Variants in MKLN1 observed in about 807,000 individuals in gnomAD.
The protein encoded by MKLN1 is muskelin.
In MKLN1, 18 loss-of-function variants were observed where a neutral mutation model predicts 99.0. The ratio of observed to expected loss-of-function variants is 0.18; its 90% confidence interval spans 0.13 to 0.27. The LOEUF is 0.27. Among genes scored for constraint, MKLN1 ranks in the 10% least tolerant of loss-of-function variants. The pLI, the probability that MKLN1 is intolerant of heterozygous loss-of-function variation, is 1.00. For synonymous variants in MKLN1, 288 were observed against 293.2 expected (o/e 0.98, Z 0.18); for missense variants, 621 against 875.9 (o/e 0.71, Z 3.67).
chr7:131,141,193 C>G (rs568360504), intron 1 of MKLN1, among the ~76,000 whole-genome samples: 3 of 152,192 alleles, frequency 2.0e-5, no homozygotes, highest in South Asian at 2.1e-4. Flanking sequence ...CTCTTGTTGT[C>G]TGTCATGTAT....
At chr7:131,410,124 T>C (rs747272520) in intron 6 of MKLN1, among the ~76,000 whole-genome samples, 9 of 152,088 alleles carry the variant, frequency 5.9e-5, no homozygotes, top group African/African-American at 9.7e-5. Context: ...TTCATAATTA[T>C]TTAGGTGTGT....
At chr7:131,416,636 A>G (rs1472959192) in intron 8 of MKLN1, among the ~76,000 whole-genome samples, 1 of 150,946 alleles carries the variant, frequency 6.6e-6, no homozygotes, top group Non-Finnish European at 1.5e-5. Flanking sequence ...TAGGGGTAGG[A>G]TTTCAGCAAA....
chr7:131,259,833 T>C (rs1231192049), intron 3 of MKLN1, among the ~76,000 whole-genome samples: 1 of 152,126 alleles, frequency 6.6e-6, no homozygotes, highest in Non-Finnish European at 1.5e-5. Flanking sequence ...TAAGAATAAC[T>C]CCTGGAAGTC....
At chr7:131,309,726 T>TTTTTTTC (rs1798529316) in intron 3 of MKLN1, 1 of 139,124 alleles carries the variant, frequency 7.2e-6, no homozygotes. Context: ...AGTGGATTTT[T>TTTTTTTC]TTTTTTTTTT....
chr7:131,153,860 A>G (rs994271266), intron 2 of MKLN1, among the ~76,000 whole-genome samples: 9 of 151,910 alleles, frequency 5.9e-5, no homozygotes, highest in Non-Finnish European at 1.2e-4. Context: ...ATGGGGTTTC[A>G]CCAGGCTGGC....
chr7:131,308,713 G>A (rs1798508248), intron 3 of MKLN1, among the ~76,000 whole-genome samples: 1 of 151,964 alleles, frequency 6.6e-6, no homozygotes, highest in South Asian at 2.1e-4. Flanking sequence ...AGCCTCCTGA[G>A]TAGCTGGGAT....
At chr7:131,421,173 G>T (rs981137957) in intron 8 of MKLN1, among the ~76,000 whole-genome samples, 1 of 152,164 alleles carries the variant, frequency 6.6e-6, no homozygotes. Context: ...TTGGGCTCAA[G>T]TGCACAATCT....
chr7:131,128,896 ATTTTTT>A (rs59954758), intron 1 of MKLN1, among the ~76,000 whole-genome samples: 56,837 of 120,128 alleles, frequency 0.47, 13,292 homozygotes, highest in Non-Finnish European at 0.57. Flanking sequence ...CACCTCACCT[ATTTTTT>A]TTTTTTTTTT....
chr7:131,306,520 A>G lies in MKLN1; in HGVS notation c.-178-68904A>G, dbSNP rs186483886. On this transcript the variant is annotated intron_variant, in intron 3 of 7. Transcript: ENST00000416992. ...TAAGGAACTCACTGGGAACTGGAGCAAAAGTCACTCTTGCTATGCTTTAGC... is the reference window on the plus strand; with the variant it reads ...TAAGGAACTCACTGGGAACTGGAGCGAAAGTCACTCTTGCTATGCTTTAGC... Among the ~76,000 whole-genome samples the G allele has an allele frequency of 1.3e-3, 193 of 152,342 alleles. 1 individual carries two copies. Among genetic ancestry groups the G allele is most frequent in the Non-Finnish European group, 2.2e-3 (150 of 68,028 alleles).
chr7:131,443,969 C>T (rs1349738703), intron 11 of MKLN1, among the ~76,000 whole-genome samples: 1 of 152,152 alleles, frequency 6.6e-6, no homozygotes, highest in Non-Finnish European at 1.5e-5. Flanking sequence ...ATGTTCCTTT[C>T]TTATGCCTTT....
At chr7:131,358,831 C>T (rs1490935448) in intron 1 of MKLN1, among the ~76,000 whole-genome samples, 1 of 152,002 alleles carries the variant, frequency 6.6e-6, no homozygotes, top group Non-Finnish European at 1.5e-5. Flanking sequence ...ATTTTATTAT[C>T]TGTTTAATAT....
chr7:131,202,446 T>C (rs1028549878), intron 2 of MKLN1, among the ~76,000 whole-genome samples: 2 of 151,972 alleles, frequency 1.3e-5, no homozygotes, highest in African/African-American at 4.8e-5. Flanking sequence ...TGTTGTTATA[T>C]AGATTAGAGG....
At chr7:131,466,891 A>T (rs1013478558) in intron 15 of MKLN1, among the ~76,000 whole-genome samples, 48 of 150,574 alleles carry the variant, frequency 3.2e-4, no homozygotes, top group African/African-American at 1.2e-3. Context: ...AAACATTTTC[A>T]TATATATACA....
chr7:131,164,891 T>A (rs2116321230), intron 2 of MKLN1, among the ~76,000 whole-genome samples: 1 of 152,322 alleles, frequency 6.6e-6, no homozygotes, highest in Middle Eastern at 3.4e-3. Context: ...GGAAACCTAC[T>A]ATGTTCAAGG....
At chr7:131,463,149 A>T (rs1796565192) in intron 12 of MKLN1, 68 bp from the exon 13 acceptor site, 1 of 1,308,082 alleles carries the variant, frequency 7.6e-7, no homozygotes. Context: ...AAAGAAAGGA[A>T]GGAAGGAAGG....
intron 1 of MKLN1, among the ~76,000 whole-genome samples, chr7:131,349,293 T>A (rs905241654): frequency 6.6e-6 from 1 of 152,064 alleles, no homozygotes; most frequent in African/African-American, 2.4e-5. Context: ...CCTCCCAGGT[T>A]CAAGCAGTCC....
chr7:131,307,502 G>C (rs781508308), intron 3 of MKLN1, among the ~76,000 whole-genome samples: 7 of 152,144 alleles, frequency 4.6e-5, no homozygotes, highest in Non-Finnish European at 1.0e-4. Flanking sequence ...CAGCTGCAGG[G>C]GCTGTACCCC....
chr7:131,311,563 CT>C (rs1798564329), intron 3 of MKLN1, among the ~76,000 whole-genome samples: 1 of 152,168 alleles, frequency 6.6e-6, no homozygotes, highest in South Asian at 2.1e-4. Flanking sequence ...CTCTCTTGGA[CT>C]TCCAGAGGTT....
At chr7:131,466,246 T>A (rs766037401) in intron 14 of MKLN1, 30 bp from the exon 15 acceptor site, 14 of 1,530,884 alleles carry the variant, frequency 9.1e-6, no homozygotes, top group African/African-American at 6.8e-5. Flanking sequence ...CATGCATTTT[T>A]AAAAATCTGG....
Sources: gnomAD v4.1 joint callset for allele counts (sites outside exome capture counted in the v4.1 genomes callset) on GRCh38, gnomAD v4.1.1 for gene constraint, MANE v1.5 for transcripts, NCBI Gene and HGNC (gene_info 2026-07-23, HGNC 2026-07-21) for gene names.